The following KCTD16 variants were observed in gnomAD, a reference collection of about 807,000 sequenced individuals.
KCTD16 encodes potassium channel tetramerization domain containing 16, also known as BTB/POZ domain-containing protein KCTD16.
A neutral mutation model predicts 33.2 loss-of-function variants in KCTD16; 13 were observed. The ratio of observed to expected loss-of-function variants is 0.39; its 90% CI spans 0.25 to 0.62. KCTD16 has a LOEUF of 0.62. Ranked by LOEUF, KCTD16 falls within the 20% of genes least tolerant of loss-of-function variation. KCTD16 has a pLI of 0.50. For synonymous variants in KCTD16, 197 were observed against 195.3 expected, an observed-to-expected ratio of 1.01 and a Z score of -0.07; for missense variants, 441 against 525.1, an observed-to-expected ratio of 0.84 and a Z score of 1.57.
At chr5:144,358,181 G>A (rs970484220) in intron 3 of KCTD16, among the ~76,000 whole-genome samples, 2 of 146,604 alleles carry the variant, frequency 1.4e-5, no homozygotes, top group South Asian at 2.1e-4. Context: ...TGATCCTGCA[G>A]CCTTGGCCTC....
chr5:144,255,446 C>T (rs1375067921), intron 3 of KCTD16, among the ~76,000 whole-genome samples: 1 of 152,188 alleles, frequency 6.6e-6, no homozygotes, highest in East Asian at 1.9e-4. Flanking sequence ...TGCAATCCTA[C>T]CAACAGTGTG....
At chr5:144,256,299 T>C (rs1754845202) in intron 3 of KCTD16, among the ~76,000 whole-genome samples, 1 of 152,212 alleles carries the variant, frequency 6.6e-6, no homozygotes, top group South Asian at 2.1e-4. Flanking sequence ...TTCTATTATT[T>C]GGAGTCTAAA....
intron 3 of KCTD16, among the ~76,000 whole-genome samples, chr5:144,333,009 C>T (rs185681845): frequency 1.1e-3 from 173 of 152,224 alleles, no homozygotes; most frequent in African/African-American, 4.1e-3. Context: ...AAAGACATGC[C>T]ACCATGATTC....
intron 2 of KCTD16, among the ~76,000 whole-genome samples, chr5:144,189,051 A>T (rs1752786437): frequency 6.6e-6 from 1 of 152,246 alleles, no homozygotes; most frequent in Non-Finnish European, 1.5e-5. Flanking sequence ...CAATGATATC[A>T]AAGGATGCAC....
intron 3 of KCTD16, among the ~76,000 whole-genome samples, chr5:144,453,736 A>G (rs1420316360): frequency 6.6e-6 from 1 of 152,306 alleles, no homozygotes; most frequent in East Asian, 1.9e-4. Context: ...TTGACCAGCT[A>G]GTGAAAGAAG....
intron 3 of KCTD16, among the ~76,000 whole-genome samples, chr5:144,371,230 C>T (rs1337435724): frequency 6.6e-6 from 1 of 152,102 alleles, no homozygotes; most frequent in Non-Finnish European, 1.5e-5. Context: ...CTATTCTTCC[C>T]TTTATCTAAA....
chr5:144,433,770 A>T (rs1339199059), intron 3 of KCTD16, among the ~76,000 whole-genome samples: 2 of 152,110 alleles, frequency 1.3e-5, no homozygotes. Context: ...GATAATGATG[A>T]TGTTTGAAGT....
Position 144,299,001 on chromosome 5 carries a change from G to T in KCTD16, c.832+91455G>T, listed in dbSNP as rs569416639. On this transcript the variant is annotated intron_variant, in intron 3 of 3. Transcript: ENST00000512467. Reference sequence around the variant, plus strand: ...AGGCTAAGAAAGAATTCTCTAAAGAGGCCAGGAATAAAAAAAATGCTATGA... The same window carrying T: ...AGGCTAAGAAAGAATTCTCTAAAGATGCCAGGAATAAAAAAAATGCTATGA... 2.3e-3 allele frequency among the ~76,000 whole-genome samples: 297 copies of T among 129,682 alleles called. 1 individual carries two copies. Among genetic ancestry groups the T allele is most frequent in the African/African-American group, 7.8e-3 (285 of 36,502 alleles). The allele number at this position is 129,682 out of a possible 152,430, so 85.1% of individuals were successfully genotyped here. A position where few individuals can be genotyped will look rare whatever the true frequency, so the allele number is the denominator to read the frequency against.
At chr5:144,425,624 C>G (rs938580363) in intron 3 of KCTD16, among the ~76,000 whole-genome samples, 2 of 152,020 alleles carry the variant, frequency 1.3e-5, no homozygotes, top group Non-Finnish European at 2.9e-5. Context: ...AGAATTAGCA[C>G]CACATGGATG....
intron 3 of KCTD16, among the ~76,000 whole-genome samples, chr5:144,447,456 A>C (rs1753844986): frequency 6.6e-6 from 1 of 152,102 alleles, no homozygotes; most frequent in East Asian, 1.9e-4. Context: ...TACCTACTGT[A>C]GATGATGGGT....
At chr5:144,356,635 G>T (rs1580897957) in intron 3 of KCTD16, among the ~76,000 whole-genome samples, 1 of 152,198 alleles carries the variant, frequency 6.6e-6, no homozygotes, top group East Asian at 1.9e-4. Flanking sequence ...TTTGCTAATG[G>T]TGATTCATTT....
intron 3 of KCTD16, among the ~76,000 whole-genome samples, chr5:144,425,471 C>G (rs1385692370): frequency 6.6e-6 from 1 of 151,764 alleles, no homozygotes; most frequent in Non-Finnish European, 1.5e-5. Flanking sequence ...CTCATGGTTC[C>G]ACTAGACATT....
intron 2 of KCTD16, among the ~76,000 whole-genome samples, chr5:144,187,124 A>G (rs1463767829): frequency 6.6e-6 from 1 of 152,088 alleles, no homozygotes; most frequent in Non-Finnish European, 1.5e-5. Flanking sequence ...ATCTTCTTAC[A>G]TGTTTATTTG....
chr5:144,348,402 C>T (rs1016166587), intron 3 of KCTD16, among the ~76,000 whole-genome samples: 2 of 152,144 alleles, frequency 1.3e-5, no homozygotes, highest in African/African-American at 4.8e-5. Context: ...AAATGCAGTG[C>T]TTTGCTTTAA....
intron 3 of KCTD16, among the ~76,000 whole-genome samples, chr5:144,469,864 C>A (rs1278457292): frequency 1.3e-5 from 2 of 151,492 alleles, no homozygotes; most frequent in Non-Finnish European, 2.9e-5. Flanking sequence ...TAATATTCAA[C>A]AAATTCAGCA....
At chr5:144,441,434 T>G (rs538859656) in intron 3 of KCTD16, among the ~76,000 whole-genome samples, 1 of 152,282 alleles carries the variant, frequency 6.6e-6, no homozygotes, top group East Asian at 1.9e-4. Flanking sequence ...ACCTTTTTAA[T>G]TTTATTATTA....
In KCTD16 at chr5:144,473,751, T is replaced by C. The variant is rs1429280517; in HGVS notation, c.924T>C (p.Asn308=). The change falls in exon 4 of 4, where the codon AAT becomes AAC. Residue 308 remains asparagine (N), a synonymous_variant. Coordinates refer to ENST00000512467, the MANE Select transcript of KCTD16 (RefSeq NM_020768.4). ...AAGGGGAGAGCGGCACGTCTTGCAA[T>C]GACCTCTCCACATCTAGCTGCGACA... is the stretch of plus-strand genomic sequence containing the variant. ...DKEGESGTSC[N]DLSTSSCDSQ... is the part of the protein sequence containing the mutation. The C allele has an allele frequency of 1.9e-6, 3 of 1,613,918 alleles. No individual in the cohort carries two copies. Among genetic ancestry groups the C allele is most frequent in the Admixed American group, 1.7e-5 (1 of 59,998 alleles).
intron 3 of KCTD16, among the ~76,000 whole-genome samples, chr5:144,466,142 G>GT (rs1338411945): frequency 4.6e-5 from 7 of 151,468 alleles, no homozygotes; most frequent in South Asian, 2.1e-4. Context: ...CCGGCCATAT[G>GT]TTTTTTCTCT....
Position 144,423,525 on chromosome 5 carries a change from T to C in KCTD16, c.833-50135T>C, listed in dbSNP as rs1173641658. On this transcript the variant is annotated intron_variant, in intron 3 of 3. Transcript: ENST00000512467. ...CAATGTCTCTAGATACTGTTGGTTGTCATAACTGGGAAGGGGTTGCTACTG... is the reference window on the plus strand; with the variant it reads ...CAATGTCTCTAGATACTGTTGGTTGCCATAACTGGGAAGGGGTTGCTACTG... 2.0e-5 allele frequency among the ~76,000 whole-genome samples: 3 copies of C among 152,112 alleles called. No homozygotes were observed. In the East Asian group the frequency reaches 5.8e-4, roughly 29 times the overall value.
Sources: gnomAD v4.1 joint callset for allele counts (sites outside exome capture counted in the v4.1 genomes callset) on GRCh38, gnomAD v4.1.1 for gene constraint, MANE v1.5 for transcripts, NCBI Gene and HGNC (gene_info 2026-07-23, HGNC 2026-07-21) for gene names.